Variants in FAM204A observed in about 807,000 individuals in gnomAD.
The protein encoded by FAM204A is family with sequence similarity 204 member A, also known as protein FAM204A.
FAM204A carries 16 observed loss-of-function variants against 35.4 expected under a neutral mutation model. That is an observed-to-expected ratio of 0.45 (90% CI 0.31 to 0.69). FAM204A has a LOEUF of 0.69. Ranked by LOEUF, FAM204A falls within the 30% of genes least tolerant of loss-of-function variation. The probability of loss-of-function intolerance (pLI) is 0.07; values close to 1 mark genes in which losing one functional copy is unlikely to be tolerated. For synonymous variants in FAM204A, 76 were observed against 86.9 expected (o/e 0.88, Z 0.70); for missense variants, 240 against 265.7 (o/e 0.90, Z 0.67).
rs933941317 is a variant in FAM204A at position 118,309,713 on chromosome 10, G to A, written c.*1144C>T. On this transcript the variant is annotated 3_prime_UTR_variant, in exon 9 of 9. Transcript: ENST00000369183. ...TTAATTCATTCAATCTTTTAAGGAG[G>A]AATGGGGAATGGGAGGAAAACCAAA... The A allele has an allele frequency of 6.6e-6, 1 of 152,170 alleles. No individual in the cohort carries two copies. Among genetic ancestry groups the A allele is most frequent in the African/African-American group, 2.4e-5 (1 of 41,426 alleles). 9.4% of individuals were successfully genotyped at this position (152,170 alleles called of 1,614,324 possible).
rs371480972 is a variant in FAM204A at position 118,326,238 on chromosome 10, G to T, written c.459C>A (p.Gly153=). 6.8e-6 allele frequency: 11 copies of T among 1,611,574 alleles called. No homozygotes were observed. Among genetic ancestry groups the T allele is most frequent in the African/African-American group, 2.7e-5 (2 of 74,630 alleles). ...PVKRKKVEKS[G]LEKRIDQAVE... ...CAGCCTGGTCTATCCTCTTTTCAAGGCCTGACTAGAAAAAAAAGAAACCTA... is the reference window on the plus strand; with the variant it reads ...CAGCCTGGTCTATCCTCTTTTCAAGTCCTGACTAGAAAAAAAAGAAACCTA... The change falls in exon 7 of 9, where the codon GGC becomes GGA. Residue 153 remains glycine (G), a synonymous_variant. Transcript: ENST00000369183.
chr10:118,331,855 A>ATATG (rs1846294411), intron 6 of FAM204A, among the ~76,000 whole-genome samples: 2 of 148,234 alleles, frequency 1.3e-5, no homozygotes, highest in Admixed American at 1.3e-4. Context: ...ATATATATAT[A>ATATG]TATATATATA....
intron 6 of FAM204A, among the ~76,000 whole-genome samples, chr10:118,327,145 A>C (rs1846210019): frequency 6.6e-6 from 1 of 152,174 alleles, no homozygotes; most frequent in Non-Finnish European, 1.5e-5. Flanking sequence ...TAGTCCTTTA[A>C]CTTCCACATT....
At chr10:118,323,212 G>A (rs1256766781) in intron 7 of FAM204A, among the ~76,000 whole-genome samples, 5 of 152,058 alleles carry the variant, frequency 3.3e-5, no homozygotes, top group African/African-American at 7.2e-5. Flanking sequence ...AGAGACCAGC[G>A]AAGAGAAAAA....
intron 7 of FAM204A, among the ~76,000 whole-genome samples, chr10:118,317,705 T>C (rs979108802): frequency 6.6e-6 from 1 of 152,054 alleles, no homozygotes; most frequent in African/African-American, 2.4e-5. Flanking sequence ...CTCTCTTACT[T>C]GGGAAGTCAC....
intron 1 of FAM204A, 157 bp from the exon 2 acceptor site, chr10:118,342,084 G>A (rs1397774225): frequency 6.6e-6 from 1 of 152,358 alleles, no homozygotes; most frequent in East Asian, 1.9e-4. Context: ...GAAGGCTGAG[G>A]GCGGCCCCGC....
rs1279966774 is a variant in FAM204A at position 118,300,098 on chromosome 10, C to T, written c.*10759G>A. 1 of 152,138 alleles carries T rather than the reference C, an allele frequency of 6.6e-6. No individual in the cohort carries two copies. Among genetic ancestry groups the T allele is most frequent in the Non-Finnish European group, 1.5e-5 (1 of 68,042 alleles). The allele number at this position is 152,138 out of a possible 1,614,324, so 9.4% of individuals were successfully genotyped here. ...TTCTTGGCCATCTTAATGGGCTGGA[C>T]ACCCTAGAATGGAAGTGTTTAAGCA... On this transcript the variant is annotated 3_prime_UTR_variant, in exon 9 of 9. Transcript: ENST00000369183.
chr10:118,340,116 T>G (rs766648060), intron 2 of FAM204A, among the ~76,000 whole-genome samples: 5 of 152,168 alleles, frequency 3.3e-5, no homozygotes, highest in Admixed American at 6.5e-5. Flanking sequence ...CATTCATCAT[T>G]ACAGGAAAAG....
rs1214444034 is a variant in FAM204A, at chr10:118,304,349, A to G, written c.*6508T>C. 6.6e-6 allele frequency: 1 copy of G among 152,186 alleles called. No homozygotes were observed. Among genetic ancestry groups the G allele is most frequent in the Non-Finnish European group, 1.5e-5 (1 of 68,042 alleles). 9.4% of individuals were successfully genotyped at this position (152,186 alleles called of 1,614,324 possible). Reference sequence around the variant, plus strand: ...ACTAAATGTCTAACTCTATATTACTAAACTACTAATATAACATTACTCTTT... The same window carrying G: ...ACTAAATGTCTAACTCTATATTACTGAACTACTAATATAACATTACTCTTT... On this transcript the variant is annotated 3_prime_UTR_variant, in exon 9 of 9. Transcript: ENST00000369183.
intron 6 of FAM204A, among the ~76,000 whole-genome samples, chr10:118,332,173 G>A (rs372707727): frequency 8.1e-4 from 44 of 54,154 alleles, no homozygotes; most frequent in East Asian, 1.6e-3. Context: ...CTCTGTTTCA[G>A]AAAAAAAAAA....
chr10:118,303,944 C>G lies in FAM204A; in HGVS notation c.*6913G>C, dbSNP rs1320221976. ...CTCATGGGCTTTGCTCCCTCCCTTA[C>G]AAATGTTTCCTGAAGTGCATACTTT... On this transcript the variant is annotated 3_prime_UTR_variant, in exon 9 of 9. Coordinates refer to ENST00000369183, the MANE Select transcript of FAM204A (RefSeq NM_022063.3). The G allele has an allele frequency of 6.6e-6, 1 of 152,268 alleles. No homozygotes were observed. Among genetic ancestry groups the G allele is most frequent in the East Asian group, 1.9e-4 (1 of 5,196 alleles). 9.4% of individuals were successfully genotyped at this position (152,268 alleles called of 1,614,324 possible). A position where few individuals can be genotyped will look rare whatever the true frequency, so the allele number is the denominator to read the frequency against.
rs1845828715 is a variant in FAM204A, at chr10:118,303,285, T to C, written c.*7572A>G. The C allele has an allele frequency of 6.6e-6, 1 of 152,244 alleles. No homozygotes were observed. Among genetic ancestry groups the C allele is most frequent in the African/African-American group, 2.4e-5 (1 of 41,468 alleles). The allele number at this position is 152,244 out of a possible 1,614,324, so 9.4% of individuals were successfully genotyped here. ...CATTTATACATATGTAGAACCAAGA[T>C]GTCCCTCCAAGGCAAGGAGCATAAA... On this transcript the variant is annotated 3_prime_UTR_variant, in exon 9 of 9. Coordinates refer to ENST00000369183, the MANE Select transcript of FAM204A (RefSeq NM_022063.3).
chr10:118,337,107 GATAATAT>G (rs1289408635), intron 2 of FAM204A: 1 of 327,210 alleles, frequency 3.1e-6, no homozygotes, highest in East Asian at 1.7e-4. Flanking sequence ...TCAAGTTCAA[GATAATAT>G]TTAGCATTAG....
intron 6 of FAM204A, among the ~76,000 whole-genome samples, chr10:118,330,161 C>G (rs940667815): frequency 8.5e-5 from 13 of 152,100 alleles, no homozygotes; most frequent in African/African-American, 2.9e-4. Flanking sequence ...AGAATATTAA[C>G]CATCGCCTCA....
intron 7 of FAM204A, among the ~76,000 whole-genome samples, chr10:118,314,544 A>T (rs1208051155): frequency 6.6e-6 from 1 of 152,178 alleles, no homozygotes; most frequent in Non-Finnish European, 1.5e-5. Context: ...TCCAGAATAT[A>T]AAAGAATATC....
At chr10:118,329,701 T>A (rs147328087) in intron 6 of FAM204A, among the ~76,000 whole-genome samples, 1 of 152,246 alleles carries the variant, frequency 6.6e-6, no homozygotes, top group Non-Finnish European at 1.5e-5. Context: ...CTATACTCAG[T>A]GAGAGCAGGC....
At position 118,333,227 on chromosome 10, in the gene FAM204A, T is replaced by G. The variant is rs144862677; in HGVS notation, c.453+1887A>C. Among the ~76,000 whole-genome samples, 395 of 152,312 alleles carry G rather than the reference T, an allele frequency of 2.6e-3. 4 individuals are homozygous for G. The highest frequency in any genetic ancestry group is 8.9e-3 in the African/African-American group (371 of 41,562). ...TAGACACATATTAAGAAGTTTGTTT[T>G]GTTTTACCATCCTAGAGGGTTGAGT... On this transcript the variant is annotated intron_variant, in intron 6 of 8. Coordinates refer to ENST00000369183, the MANE Select transcript of FAM204A (RefSeq NM_022063.3).
intron 7 of FAM204A, among the ~76,000 whole-genome samples, chr10:118,322,122 A>G (rs1251671776): frequency 6.6e-6 from 1 of 152,162 alleles, no homozygotes; most frequent in African/African-American, 2.4e-5. Flanking sequence ...GTCATTTGGC[A>G]GTCACCATAA....
rs76942675 is a variant in FAM204A, at chr10:118,339,999, G to A, written c.-9+1728C>T. Among the ~76,000 whole-genome samples the A allele has an allele frequency of 9.5e-3, 1,443 of 152,258 alleles. 11 individuals are homozygous for A. Among genetic ancestry groups the A allele is most frequent in the Non-Finnish European group, 0.015 (1,037 of 68,008 alleles). ...CAGATAACAATGAATCAAAAACAGG[G>A]TACAGTTCAGTGGTTCCTAATCTAA... On this transcript the variant is annotated intron_variant, in intron 2 of 8. Coordinates refer to ENST00000369183, the MANE Select transcript of FAM204A (RefSeq NM_022063.3).
Sources: gnomAD v4.1 joint callset for allele counts (sites outside exome capture counted in the v4.1 genomes callset) on GRCh38, gnomAD v4.1.1 for gene constraint, MANE v1.5 for transcripts, NCBI Gene and HGNC (gene_info 2026-07-23, HGNC 2026-07-21) for gene names.